The following DNAH1 variants were observed in gnomAD, a reference collection of about 807,000 sequenced individuals.
DNAH1 encodes axonemal beta dynein heavy chain 1.
DNAH1 carries 327 observed loss-of-function variants against 484.3 expected under a neutral mutation model. The observed-to-expected ratio is 0.68, with a 90% CI of 0.62 to 0.74. The LOEUF is 0.74. Among genes scored for constraint, DNAH1 ranks in the 30% least tolerant of loss-of-function variants. The pLI, the probability that DNAH1 is intolerant of heterozygous loss-of-function variation, is 0.00. For missense variants in DNAH1, 5,052 were observed against 5,546.8 expected, an observed-to-expected ratio of 0.91 and a Z score of 2.83; for synonymous variants, 2,192 against 2,191.9, an observed-to-expected ratio of 1.00 and a Z score of 0.00.
In DNAH1 at chr3:52,392,624, C is replaced by T; in HGVS notation, c.10213C>T (p.Pro3405Ser). 1 of 1,613,260 alleles carries T rather than the reference C, an allele frequency of 6.2e-7. No individual in the cohort carries two copies. The highest frequency in any genetic ancestry group is 1.1e-5 in the South Asian group (1 of 90,942). Residue 3405 changes from proline (P) to serine (S), a missense_variant, in exon 64 of 78, where the codon CCT (proline) becomes TCT (serine). Transcript: ENST00000420323. ...LYRLSSSEGN[P>S]VDDMELIKVL... ...CCGGCTCAGCTCCTCCGAGGGCAAC[C>T]CTGTAGATGACATGGAACTCATCAA...
rs1704539029 is a variant in DNAH1 at position 52,394,662 on chromosome 3, G to A, written c.10823+1G>A. The A allele has an allele frequency of 6.4e-7, 1 of 1,561,386 alleles. No homozygotes were observed. The highest frequency in any genetic ancestry group is 8.7e-7 in the Non-Finnish European group (1 of 1,149,932). On this transcript the variant is annotated splice_donor_variant, in intron 67 of 77. Coordinates refer to ENST00000420323, the MANE Select transcript of DNAH1 (RefSeq NM_015512.5). LOFTEE classifies it high-confidence loss of function. ...TCTTCGACAGCCTTGAGCCCCACCG[G>A]TTAGCTGGGCCCCAGAATATGGCAG...
Position 52,395,172 on chromosome 3 carries a change from C to G in DNAH1, c.10968+113C>G. On this transcript the variant is annotated intron_variant, in intron 68 of 77. Transcript: ENST00000420323. The surrounding 1 kb of genome is among the most constrained non-coding windows in gnomAD (Gnocchi z 4.4). Reference sequence around the variant, plus strand: ...TTGGCCAGGCCAGGACCCCTGCTTGCTCCCTAAAGGCTCTGAGGTTCCAGC... The same window carrying G: ...TTGGCCAGGCCAGGACCCCTGCTTGGTCCCTAAAGGCTCTGAGGTTCCAGC... 1.3e-6 allele frequency: 2 copies of G among 1,496,302 alleles called. No individual in the cohort carries two copies. Among genetic ancestry groups the G allele is most frequent in the Non-Finnish European group, 1.8e-6 (2 of 1,114,616 alleles). 92.7% of individuals were successfully genotyped at this position (1,496,302 alleles called of 1,614,324 possible).
Position 52,386,642 on chromosome 3 carries a change from C to G in DNAH1, c.8812-20C>G. 6.5e-7 allele frequency: 1 copy of G among 1,544,340 alleles called. No individual in the cohort carries two copies. The highest frequency in any genetic ancestry group is 8.7e-7 in the Non-Finnish European group (1 of 1,143,828). On this transcript the variant is annotated intron_variant, in intron 55 of 77. Transcript: ENST00000420323. ...GCCCACTGGGTCTGAGTCTTCCCCA[C>G]TTGGTGGCTGGGCCTGCAGGTACGT...
rs773366648 is a variant in DNAH1, at chr3:52,383,449, C to A, written c.8005C>A (p.Leu2669Met). ...NVLNSGDIPNLYTADEQDQIV... is the reference protein window; with the variant it reads ...NVLNSGDIPNMYTADEQDQIV... ...CCTAAACTCTGGTGACATTCCCAAT[C>A]TGTATACTGCGGACGAGCAGGACCA... Residue 2669 changes from leucine (L) to methionine (M), a missense_variant, in exon 51 of 78, where the codon CTG (leucine) becomes ATG (methionine). By Grantham distance (15) the Leu-to-Met change is conservative. Transcript: ENST00000420323. The A allele has an allele frequency of 6.2e-7, 1 of 1,614,046 alleles. No individual in the cohort carries two copies. The highest frequency in any genetic ancestry group is 1.7e-5 in the Admixed American group (1 of 60,024).
rs1011520889 is a variant in DNAH1, at chr3:52,398,745, CTA to C, written c.12090-103_12090-102del. On this transcript the variant is annotated intron_variant, in intron 75 of 77. Coordinates refer to ENST00000420323, the MANE Select transcript of DNAH1 (RefSeq NM_015512.5). ...TGACCCAGCTCTCTGCTCTTAGCCT[CTA>C]TGTTTTGCCATTGTTTTTCACTCTG... The C allele has an allele frequency of 4.4e-5, 44 of 1,008,902 alleles. No homozygotes were observed. The African/African-American group carries it at 4.9e-4, about 11-fold the overall frequency. The allele number at this position is 1,008,902 out of a possible 1,614,324, so 62.5% of individuals were successfully genotyped here.
rs1702162115 is a variant in DNAH1 at position 52,346,769 on chromosome 3, A to C, written c.1954A>C (p.Arg652=). The C allele has an allele frequency of 6.2e-7, 1 of 1,602,762 alleles. No individual in the cohort carries two copies. Among genetic ancestry groups the C allele is most frequent in the African/African-American group, 1.3e-5 (1 of 74,734 alleles). Residue 652 remains arginine (R), a splice_region_variant and synonymous_variant, in exon 11 of 78, where the codon AGG becomes CGG. Coordinates refer to ENST00000420323, the MANE Select transcript of DNAH1 (RefSeq NM_015512.5). ...WGDDLINSPY[R]PRKNPLFIMD... ...TGACGACTTAATTAACAGCCCCTAC[A>C]GGTGGGGCCCGGCGGGGCGGAGGCA...
chr3:52,346,869 A>G (rs1702166766), intron 11 of DNAH1, 99 bp downstream of exon 11: 3 of 1,325,828 alleles, frequency 2.3e-6, no homozygotes, highest in African/African-American at 1.5e-5. Context: ...GTGCCCATCC[A>G]TGCCAGGTCC....
At position 52,399,726 on chromosome 3, in the gene DNAH1, C is replaced by A. The variant is rs1204945463; in HGVS notation, c.12623C>A (p.Ala4208Asp). Residue 4208 changes from alanine to aspartate, a missense_variant, in exon 77 of 78, where the codon GCC becomes GAC. Ala to Asp is a moderately radical substitution (Grantham distance 126, BLOSUM62 -2). This residue lies in a region of DNAH1 where 853 missense variants were observed against 899.0 expected (regional missense o/e 0.95). Coordinates refer to ENST00000420323, the MANE Select transcript of DNAH1 (RefSeq NM_015512.5). ...IWLLPTPNRK[A>D]QDQDFYLCPI... ...CTCTTGCCAACACCCAACCGCAAGG[C>A]CCAGGACCAGGACTTTTACCTGTGC... 1.2e-6 allele frequency: 2 copies of A among 1,613,906 alleles called. No individual in the cohort carries two copies. The highest frequency in any genetic ancestry group is 3.3e-5 in the Admixed American group (2 of 60,004).
Position 52,362,279 on chromosome 3 carries a change from C to T in DNAH1, c.4981-109C>T. ...TGATCAGGGGTCCAGGCCTGGCCTACCAGCTACAGCCAGGACAGGGGCATC... is the reference window on the plus strand; with the variant it reads ...TGATCAGGGGTCCAGGCCTGGCCTATCAGCTACAGCCAGGACAGGGGCATC... On this transcript the variant is annotated intron_variant, in intron 30 of 77. Coordinates refer to ENST00000420323, the MANE Select transcript of DNAH1 (RefSeq NM_015512.5). The surrounding 1 kb of genome is among the most constrained non-coding windows in gnomAD (Gnocchi z 5.1). The T allele has an allele frequency of 1.1e-6, 1 of 885,922 alleles. No homozygotes were observed. 54.9% of individuals were successfully genotyped at this position (885,922 alleles called of 1,614,324 possible).
intron 6 of DNAH1, among the ~76,000 whole-genome samples, chr3:52,330,726 C>G (rs996362782): frequency 2.0e-5 from 3 of 152,180 alleles, no homozygotes; most frequent in Admixed American, 2.0e-4. Flanking sequence ...ACTGAGCAGC[C>G]AGGGGCAGCC....
At chr3:52,373,754 G>C (rs1413940850) in intron 44 of DNAH1, 1 of 1,404,022 alleles carries the variant, frequency 7.1e-7, no homozygotes, top group Non-Finnish European at 1.0e-6. Context: ...AACTAAAGTA[G>C]AAGGAATTAA....
At chr3:52,356,591 C>G in intron 21 of DNAH1, 23 bp from the exon 22 acceptor site, 1 of 1,611,730 alleles carries the variant, frequency 6.2e-7, no homozygotes, top group Non-Finnish European at 8.5e-7. Context: ...TATCACACCC[C>G]TCCCTGCCCC....
intron 41 of DNAH1, 145 bp from the exon 42 acceptor site, chr3:52,371,801 C>T (rs568091381): frequency 1.8e-4 from 212 of 1,208,476 alleles, no homozygotes; most frequent in Non-Finnish European, 2.2e-4. Context: ...TTTCCATTTC[C>T]GCCGGAAGCA....
At chr3:52,332,103 T>G in intron 7 of DNAH1, 39 bp from the exon 8 acceptor site, 1 of 1,536,522 alleles carries the variant, frequency 6.5e-7, no homozygotes, top group Non-Finnish European at 8.8e-7. Context: ...CCAGAAAGCC[T>G]GATTGTGTGT....
rs1701963953 is a variant in DNAH1 at position 52,342,171 on chromosome 3, G to A, written c.1287-2319G>A. Among the ~76,000 whole-genome samples, 3 of 152,338 alleles carry A rather than the reference G, an allele frequency of 2.0e-5. 1 individual carries two copies. Among genetic ancestry groups the A allele is most frequent in the South Asian group, 4.1e-4 (2 of 4,824 alleles). On this transcript the variant is annotated intron_variant, in intron 8 of 77. Coordinates refer to ENST00000420323, the MANE Select transcript of DNAH1 (RefSeq NM_015512.5). ...AGTGCAGAGGCTGAGGTAGGGACAAGTTTGTGGTACTTGAGGAGCAGGGCA... is the reference window on the plus strand; with the variant it reads ...AGTGCAGAGGCTGAGGTAGGGACAAATTTGTGGTACTTGAGGAGCAGGGCA...
In DNAH1 at chr3:52,396,648, C is replaced by G. The variant is rs2153225773; in HGVS notation, c.11461C>G (p.Leu3821Val). The change falls in exon 72 of 78, where the codon CTG becomes GTG. Residue 3821 changes from leucine to valine, a missense_variant. By Grantham distance (32) the Leu-to-Val change is conservative. Coordinates refer to ENST00000420323, the MANE Select transcript of DNAH1 (RefSeq NM_015512.5). ...GGAGTTCAAGTCTCTGCTGCTGTCT[C>G]TGTGCTTGTTCCATGGGAACGCCCT... ...VMEFKSLLLS[L>V]CLFHGNALER... The G allele has an allele frequency of 6.2e-7, 1 of 1,613,602 alleles. No homozygotes were observed. Among genetic ancestry groups the G allele is most frequent in the East Asian group, 2.2e-5 (1 of 44,872 alleles).
chr3:52,399,047 G>A lies in DNAH1; in HGVS notation c.12287G>A (p.Arg4096His), dbSNP rs748247721. 1.2e-6 allele frequency: 2 copies of A among 1,614,036 alleles called. No individual in the cohort carries two copies. Among genetic ancestry groups the A allele is most frequent in the Admixed American group, 1.7e-5 (1 of 60,030 alleles). ...TCATGGGTCATGGACCTGCTGCAAC[G>A]CCTGGACTTTCTGCAGGCCTGGATC... ...LSSWVMDLLQRLDFLQAWIQD... is the reference protein window; with the variant it reads ...LSSWVMDLLQHLDFLQAWIQD... The change falls in exon 76 of 78, where the codon CGC becomes CAC. Residue 4096 changes from arginine to histidine, a missense_variant. This residue lies in a region of DNAH1 where 853 missense variants were observed against 899.0 expected (regional missense o/e 0.95). Transcript: ENST00000420323.
In DNAH1 at chr3:52,381,689, C is replaced by T. The variant is rs1337541564; in HGVS notation, c.7658C>T (p.Thr2553Met). 1.8e-5 allele frequency: 29 copies of T among 1,608,454 alleles called. No individual in the cohort carries two copies. The highest frequency in any genetic ancestry group is 4.5e-5 in the South Asian group (4 of 89,676). The stretch of plus-strand genomic sequence containing the variant: ...ATAGAGGACTACAACCAGATCAACA[C>T]GGCCAAGCTGAAGCTGGTCCTCTTC... ...EYIEDYNQIN[T>M]AKLKLVLFMD... Residue 2553 changes from threonine to methionine, a missense_variant, in exon 49 of 78, where the codon ACG becomes ATG. Thr to Met is a moderately conservative substitution (Grantham distance 81). Coordinates refer to ENST00000420323, the MANE Select transcript of DNAH1 (RefSeq NM_015512.5). The surrounding 1 kb of genome is among the most constrained non-coding windows in gnomAD (Gnocchi z 4.1).
intron 17 of DNAH1, 75 bp from the exon 18 acceptor site, chr3:52,352,477 C>A: frequency 6.4e-7 from 1 of 1,550,478 alleles, no homozygotes; most frequent in South Asian, 1.2e-5. Flanking sequence ...CCTCTGGTTC[C>A]CTGGGTTTGC....
Sources: gnomAD v4.1 joint callset for allele counts (sites outside exome capture counted in the v4.1 genomes callset) on GRCh38, gnomAD v4.1.1 for gene constraint, gnomAD v4.1.1 regional missense constraint, Gnocchi (gnomAD v3.1) non-coding constraint, MANE v1.5 for transcripts, NCBI Gene and HGNC (gene_info 2026-07-23, HGNC 2026-07-21) for gene names.